Variants in CREB3L3 observed in about 807,000 individuals in gnomAD.
CREB3L3 encodes cyclic AMP-responsive element-binding protein 3-like protein 3.
In CREB3L3, 40 loss-of-function variants were observed where a neutral mutation model predicts 44.6. The ratio of observed to expected loss-of-function variants is 0.90; its 90% CI spans 0.70 to 1.17. The LOEUF (loss-of-function observed/expected upper bound fraction) is 1.17, where lower values mean the gene tolerates loss of function less well. Among genes scored for constraint, CREB3L3 ranks in the 50% most tolerant of loss-of-function variants. The probability of loss-of-function intolerance (pLI) is 0.00; values close to 1 mark genes in which losing one functional copy is unlikely to be tolerated. For missense variants in CREB3L3, 578 were observed against 595.8 expected (o/e 0.97, Z 0.31); for synonymous variants, 273 against 256.3 (o/e 1.06, Z -0.62).
At chr19:4,154,870 G>T in intron 1 of CREB3L3, 29 bp from the exon 2 acceptor site, 1 of 1,613,494 alleles carries the variant, frequency 6.2e-7, no homozygotes. Flanking sequence ...GGCTGTATGT[G>T]ACCCTCACAT....
At position 4,168,276 on chromosome 19, in the gene CREB3L3, G is replaced by A. The variant is rs368397574; in HGVS notation, c.715-75G>A. ...GGCCTCCCAAAGTGCTGGGATTACA[G>A]GCGAGAGCTACTGCCCCCGGACTCC... On this transcript the variant is annotated intron_variant, in intron 5 of 9. Coordinates refer to ENST00000078445, the MANE Select transcript of CREB3L3 (RefSeq NM_032607.3). 137 of 1,158,744 alleles carry A rather than the reference G, an allele frequency of 1.2e-4. 1 individual carries two copies. The East Asian group carries it at 2.1e-3, about 18-fold the overall frequency. 71.8% of individuals were successfully genotyped at this position (1,158,744 alleles called of 1,614,324 possible). A position where few individuals can be genotyped will look rare whatever the true frequency, so the allele number is the denominator to read the frequency against.
In CREB3L3 at chr19:4,157,037, A is replaced by G. The variant is rs780989538; in HGVS notation, c.199A>G (p.Ile67Val). ...CGACTCTGACGACTTCCTCAGCTCCATCCTGGGCTCTGGAGACTCACTGCC... is the reference window on the plus strand; with the variant it reads ...CGACTCTGACGACTTCCTCAGCTCCGTCCTGGGCTCTGGAGACTCACTGCC... ...NPDSDDFLSS[I>V]LGSGDSLPSS... Residue 67 changes from isoleucine to valine, a missense_variant, in exon 3 of 10, where the codon ATC becomes GTC. Ile to Val is a conservative substitution (Grantham distance 29). Transcript: ENST00000078445. 3 of 1,613,824 alleles carry G rather than the reference A, an allele frequency of 1.9e-6. No individual in the cohort carries two copies. The South Asian group carries it at 3.3e-5, about 18-fold the overall frequency.
At chr19:4,163,399 G>A (rs2041687043) in intron 4 of CREB3L3, among the ~76,000 whole-genome samples, 1 of 151,848 alleles carries the variant, frequency 6.6e-6, no homozygotes, top group African/African-American at 2.4e-5. Flanking sequence ...CTGTCCATAT[G>A]CCATTTTGCG....
Position 4,171,302 on chromosome 19 carries a change from G to T in CREB3L3, c.976-81G>T. 1 of 1,480,946 alleles carries T rather than the reference G, an allele frequency of 6.8e-7. No individual in the cohort carries two copies. The highest frequency in any genetic ancestry group is 1.7e-5 in the Admixed American group (1 of 57,460). The allele number at this position is 1,480,946 out of a possible 1,614,324, so 91.7% of individuals were successfully genotyped here. The stretch of plus-strand genomic sequence containing the variant: ...AGTATGATCCAGTCTGGTCTTTGGG[G>T]CCTCAGTTTCCCTGCCTGTGGGATG... On this transcript the variant is annotated intron_variant, in intron 8 of 9. Transcript: ENST00000078445. The surrounding 1 kb of genome is among the most constrained non-coding windows in gnomAD (Gnocchi z 4.9).
At chr19:4,159,843 G>A in intron 4 of CREB3L3, 61 bp downstream of exon 4, 3 of 808,822 alleles carry the variant, frequency 3.7e-6, no homozygotes, top group Non-Finnish European at 6.7e-6. Context: ...CGGGTTCGAG[G>A]AGCCTAAATA....
Position 4,171,625 on chromosome 19 carries a change from G to A in CREB3L3, c.1073-31G>A. The A allele has an allele frequency of 6.2e-7, 1 of 1,612,082 alleles. No individual in the cohort carries two copies. Among genetic ancestry groups the A allele is most frequent in the Non-Finnish European group, 8.5e-7 (1 of 1,178,770 alleles). ...GAGCATAGGACCCCACCTCCACCTT[G>A]TCCCCTGTGATGCCCCCCTTCCCCA... On this transcript the variant is annotated intron_variant, in intron 9 of 9. Transcript: ENST00000078445. This position sits in a 1 kb window ranked among gnomAD's most constrained non-coding sequence, Gnocchi z 4.9.
In CREB3L3 at chr19:4,171,557, G is replaced by T; in HGVS notation, c.1072+78G>T. The T allele has an allele frequency of 6.3e-7, 1 of 1,596,282 alleles. No individual in the cohort carries two copies. The highest frequency in any genetic ancestry group is 8.6e-7 in the Non-Finnish European group (1 of 1,164,082). On this transcript the variant is annotated intron_variant, in intron 9 of 9. Coordinates refer to ENST00000078445, the MANE Select transcript of CREB3L3 (RefSeq NM_032607.3). This position sits in a 1 kb window ranked among gnomAD's most constrained non-coding sequence, Gnocchi z 4.9. ...CTGGGCCTCTGGGGGAGGGGGAGAA[G>T]ACCCCTGTGCCCTTGTTCCCTGAGG...
chr19:4,171,068 G>A lies in CREB3L3; in HGVS notation c.891-23G>A, dbSNP rs756540589. ...GAACCGAGGCCCTTTAGGGCTCAGC[G>A]GAGGCCTGCCTGTCTCTCTAAGGTC... is the stretch of plus-strand genomic sequence containing the variant. On this transcript the variant is annotated intron_variant, in intron 7 of 9. Transcript: ENST00000078445. The surrounding 1 kb of genome is among the most constrained non-coding windows in gnomAD (Gnocchi z 4.9). 2.2e-5 allele frequency: 35 copies of A among 1,600,142 alleles called. No individual in the cohort carries two copies. The highest frequency in any genetic ancestry group is 8.8e-5 in the South Asian group (8 of 90,816).
At chr19:4,164,960 C>T (rs973390192) in intron 5 of CREB3L3, among the ~76,000 whole-genome samples, 7 of 152,096 alleles carry the variant, frequency 4.6e-5, no homozygotes, top group African/African-American at 7.2e-5. Context: ...CCTCCTGCCT[C>T]GGTCTCCCAA....
At chr19:4,160,659 G>T (rs1484569354) in intron 4 of CREB3L3, among the ~76,000 whole-genome samples, 1 of 151,720 alleles carries the variant, frequency 6.6e-6, no homozygotes, top group African/African-American at 2.4e-5. Context: ...GGGTTCAAGT[G>T]ATTCTCCTGC....
intron 5 of CREB3L3, among the ~76,000 whole-genome samples, chr19:4,166,598 G>A (rs1431811519): frequency 6.7e-6 from 1 of 149,308 alleles, no homozygotes; most frequent in African/African-American, 2.5e-5. Context: ...GTCTTGCTAT[G>A]TTGCCCAGGC....
At position 4,155,119 on chromosome 19, in the gene CREB3L3, C is replaced by G. The variant is rs2145115793; in HGVS notation, c.156+92C>G. ...AGGTGCTAGACCCGCCAGAGCCCAG[C>G]CAGAGCTCTGCTCAGCTCTACGATG... is the stretch of plus-strand genomic sequence containing the variant. On this transcript the variant is annotated intron_variant, in intron 2 of 9. Transcript: ENST00000078445. 2.3e-5 allele frequency: 35 copies of G among 1,496,876 alleles called. 2 individuals are homozygous for G. The South Asian group carries it at 3.7e-4, about 16-fold the overall frequency. The allele number at this position is 1,496,876 out of a possible 1,614,324, so 92.7% of individuals were successfully genotyped here. A position where few individuals can be genotyped will look rare whatever the true frequency, so the allele number is the denominator to read the frequency against.
rs1456744891 is a variant in CREB3L3 at position 4,172,225 on chromosome 19, A to G, written c.*256A>G. 6.8e-6 allele frequency: 4 copies of G among 590,740 alleles called. No individual in the cohort carries two copies. The highest frequency in any genetic ancestry group is 6.0e-6 in the Non-Finnish European group (2 of 332,622). 36.6% of individuals were successfully genotyped at this position (590,740 alleles called of 1,614,324 possible). A position where few individuals can be genotyped will look rare whatever the true frequency, so the allele number is the denominator to read the frequency against. On this transcript the variant is annotated 3_prime_UTR_variant, in exon 10 of 10. Transcript: ENST00000078445. The stretch of plus-strand genomic sequence containing the variant: ...AGAGCCAGGAGCAGAAGCAAAGAGC[A>G]GACACACATACAGCCTGAAACAGAC...
chr19:4,167,374 G>GAGAA (rs1966930691), intron 5 of CREB3L3, among the ~76,000 whole-genome samples: 1 of 134,824 alleles, frequency 7.4e-6, no homozygotes, highest in Non-Finnish European at 1.6e-5. Context: ...GAGAGAGAGA[G>GAGAA]AAAAGGAAGG....
intron 6 of CREB3L3, among the ~76,000 whole-genome samples, chr19:4,169,744 C>T (rs1393089148): frequency 2.0e-5 from 3 of 151,878 alleles, no homozygotes; most frequent in Admixed American, 6.6e-5. Context: ...GAATTATAGG[C>T]GCCCACCACC....
rs1568285230 is a variant in CREB3L3, at chr19:4,170,119, GATGC to G, written c.822-20_822-17del. ...TGGTGACTGGCATATGCTGAATGTCGATGCGTCTTCCTCCTTTCAGGATGTCAGC... is the reference window on the plus strand; with the variant it reads ...TGGTGACTGGCATATGCTGAATGTCGGTCTTCCTCCTTTCAGGATGTCAGC... On this transcript the variant is annotated splice_polypyrimidine_tract_variant and intron_variant, in intron 6 of 9. Transcript: ENST00000078445. 1 of 1,613,348 alleles carries G rather than the reference GATGC, an allele frequency of 6.2e-7. No individual in the cohort carries two copies.
At chr19:4,169,565 C>T (rs957935960) in intron 6 of CREB3L3, among the ~76,000 whole-genome samples, 2 of 148,630 alleles carry the variant, frequency 1.3e-5, no homozygotes, top group African/African-American at 5.0e-5. Context: ...ACATCACTGC[C>T]TGAATCTAGG....
In CREB3L3 at chr19:4,171,965, T is replaced by A. The variant is rs1299074913; in HGVS notation, c.1382T>A (p.Leu461Gln). 6.3e-7 allele frequency: 1 copy of A among 1,592,786 alleles called. No individual in the cohort carries two copies. Among genetic ancestry groups the A allele is most frequent in the Non-Finnish European group, 8.5e-7 (1 of 1,171,966 alleles). ...RAGLEAAGDE[L>Q] ...GGGCTGGAGGCGGCGGGAGACGAGC[T>A]GTGAGCCCCGCCAGGACTATGCTCC... The change falls in exon 10 of 10, where the codon CTG becomes CAG. Residue 461 changes from leucine (L) to glutamine (Q), a missense_variant. By Grantham distance (113) the Leu-to-Gln change is moderately radical. Transcript: ENST00000078445. This position sits in a 1 kb window ranked among gnomAD's most constrained non-coding sequence, Gnocchi z 4.9.
At chr19:4,161,918 G>A (rs951970104) in intron 4 of CREB3L3, among the ~76,000 whole-genome samples, 5 of 152,314 alleles carry the variant, frequency 3.3e-5, no homozygotes, top group African/African-American at 1.2e-4. Flanking sequence ...AAGGCTTCCC[G>A]GAGGAGGCAG....
Sources: allele counts gnomAD v4.1 joint callset (sites outside exome capture counted in the v4.1 genomes callset), GRCh38; gene constraint gnomAD v4.1.1; non-coding constraint Gnocchi (gnomAD v3.1); transcripts MANE v1.5; gene names NCBI Gene and HGNC (gene_info 2026-07-23, HGNC 2026-07-21).